CSMD1: variants seen among roughly 807,000 people sequenced by gnomAD.
CSMD1 encodes CUB and sushi domain-containing protein 1.
Under a neutral mutation model 417.5 loss-of-function variants are expected in CSMD1, and 213 were observed. The observed-to-expected ratio is 0.51, with a 90% CI of 0.46 to 0.57. The LOEUF (loss-of-function observed/expected upper bound fraction) is 0.57. CSMD1 is among the 20% of genes least tolerant of loss of function. The pLI is 0.00. For synonymous variants in CSMD1, 2,862 were observed against 1,736.8 expected, an observed-to-expected ratio of 1.65 and a Z score of -16.11; for missense variants, 6,923 against 4,529.7, an observed-to-expected ratio of 1.53 and a Z score of -15.17.
At chr8:3,423,702 C>A (rs1420340530) in intron 12 of CSMD1, among the ~76,000 whole-genome samples, 2 of 152,174 alleles carry the variant, frequency 1.3e-5, no homozygotes, top group East Asian at 3.9e-4. Flanking sequence ...AATGTTCCAT[C>A]CCAGGTCTTT....
chr8:4,772,406 T>A (rs190095939), intron 1 of CSMD1, among the ~76,000 whole-genome samples: 303 of 152,342 alleles, frequency 2.0e-3, no homozygotes, highest in African/African-American at 7.1e-3. Context: ...GGGTCCACCC[T>A]GATAATCCAG....
At chr8:4,064,069 T>G (rs1009600123) in intron 3 of CSMD1, among the ~76,000 whole-genome samples, 3 of 152,186 alleles carry the variant, frequency 2.0e-5, no homozygotes, top group African/African-American at 7.2e-5. Flanking sequence ...AAGTGCGCAG[T>G]GTGAAGCCCA....
intron 44 of CSMD1, 116 bp from the exon 45 acceptor site, chr8:3,107,914 T>A: frequency 1.5e-6 from 1 of 651,154 alleles, no homozygotes; most frequent in Non-Finnish European, 2.7e-6. Context: ...CGGACTGAAA[T>A]GTCTCTATTC....
At chr8:3,384,698 A>C (rs928724289) in intron 18 of CSMD1, among the ~76,000 whole-genome samples, 1 of 109,150 alleles carries the variant, frequency 9.2e-6, no homozygotes, top group African/African-American at 3.7e-5. Flanking sequence ...TATTTATATA[A>C]ATTATATATA....
intron 5 of CSMD1, among the ~76,000 whole-genome samples, chr8:3,776,232 G>C (rs1267134560): frequency 6.6e-6 from 1 of 152,130 alleles, no homozygotes; most frequent in African/African-American, 2.4e-5. Context: ...CATCCGGATG[G>C]AGGTCACAGC....
At chr8:4,908,128 G>A (rs976215469) in intron 1 of CSMD1, among the ~76,000 whole-genome samples, 1 of 152,158 alleles carries the variant, frequency 6.6e-6, no homozygotes, top group African/African-American at 2.4e-5. Context: ...AATTTTGCTG[G>A]GTACAGAATT....
At chr8:3,223,610 C>T in intron 28 of CSMD1, 119 bp downstream of exon 28, 2 of 1,042,700 alleles carry the variant, frequency 1.9e-6, no homozygotes, top group Middle Eastern at 4.4e-4. Context: ...CTCCATTAGA[C>T]ACAAAATCTA....
At chr8:3,975,745 G>C (rs576350209) in intron 5 of CSMD1, among the ~76,000 whole-genome samples, 1 of 152,230 alleles carries the variant, frequency 6.6e-6, no homozygotes, top group South Asian at 2.1e-4. Flanking sequence ...AAATAAAACA[G>C]AAAATGTCAT....
At chr8:3,255,262 G>T (rs1800566159) in intron 26 of CSMD1, among the ~76,000 whole-genome samples, 1 of 152,026 alleles carries the variant, frequency 6.6e-6, no homozygotes, top group Non-Finnish European at 1.5e-5. Context: ...AGCCGTGTGA[G>T]GTGTCAGTCT....
chr8:4,023,795 T>A (rs1207364753), intron 4 of CSMD1, among the ~76,000 whole-genome samples: 1 of 143,896 alleles, frequency 6.9e-6, no homozygotes. Flanking sequence ...GTGTGTGTAT[T>A]TTTAGTAGAG....
intron 37 of CSMD1, among the ~76,000 whole-genome samples, chr8:3,177,356 G>C (rs1563113533): frequency 1.3e-5 from 2 of 152,188 alleles, no homozygotes; most frequent in Admixed American, 6.5e-5. Flanking sequence ...CAGAGGCTCT[G>C]TGACGAGAAG....
chr8:3,022,396 G>A (rs1038716575), intron 51 of CSMD1, among the ~76,000 whole-genome samples: 1 of 152,104 alleles, frequency 6.6e-6, no homozygotes, highest in African/African-American at 2.4e-5. Flanking sequence ...CACAGCGTCC[G>A]GAATGCACGT....
chr8:4,229,504 T>C (rs897678883), intron 3 of CSMD1, among the ~76,000 whole-genome samples: 2 of 152,220 alleles, frequency 1.3e-5, no homozygotes, highest in African/African-American at 2.4e-5. Flanking sequence ...TTTGTCTTCA[T>C]ATAATTCTAC....
Position 4,732,217 on chromosome 8 carries a change from C to T in CSMD1, c.86-94659G>A, listed in dbSNP as rs12543345. Among the ~76,000 whole-genome samples, 1,142 of 152,258 alleles carry T rather than the reference C, an allele frequency of 7.5e-3. 8 individuals are homozygous for T. The highest frequency in any genetic ancestry group is 0.012 in the Non-Finnish European group (815 of 68,022). ...ACAAGAACTCAGATGTATCAGACCC[C>T]ATGGGTAGAACTCTTTCTACTCTAA... On this transcript the variant is annotated intron_variant, in intron 1 of 69. Transcript: ENST00000635120.
chr8:2,954,275 G>A lies in CSMD1; in HGVS notation c.9995-7C>T, dbSNP rs969608443. 7.0e-7 allele frequency: 1 copy of A among 1,427,304 alleles called. No individual in the cohort carries two copies. Among genetic ancestry groups the A allele is most frequent in the Non-Finnish European group, 9.5e-7 (1 of 1,052,898 alleles). 88.4% of individuals were successfully genotyped at this position (1,427,304 alleles called of 1,614,324 possible). On this transcript the variant is annotated splice_region_variant and splice_polypyrimidine_tract_variant and intron_variant, in intron 64 of 69. Transcript: ENST00000635120. ...ACTTCTCTCACTCCTTTACCTACAAGTAAAAAGACAAATTATCATTTTAAA... is the reference window on the plus strand; with the variant it reads ...ACTTCTCTCACTCCTTTACCTACAAATAAAAAGACAAATTATCATTTTAAA...
chr8:4,627,211 C>T (rs1802169269), intron 2 of CSMD1, among the ~76,000 whole-genome samples: 1 of 152,098 alleles, frequency 6.6e-6, no homozygotes, highest in Non-Finnish European at 1.5e-5. Flanking sequence ...AAGGATAAAT[C>T]AGCAACAGAC....
chr8:3,203,031 T>C (rs1308078996), intron 31 of CSMD1, among the ~76,000 whole-genome samples: 1 of 152,152 alleles, frequency 6.6e-6, no homozygotes, highest in Non-Finnish European at 1.5e-5. Context: ...ATTTTTATCA[T>C]ACTGGAGGCC....
chr8:3,960,840 A>C (rs1448679742), intron 5 of CSMD1, among the ~76,000 whole-genome samples: 1 of 152,022 alleles, frequency 6.6e-6, no homozygotes, highest in Non-Finnish European at 1.5e-5. Context: ...TTGCAATCGT[A>C]ACATTGTCAT....
chr8:3,616,450 C>T (rs1007897052), intron 8 of CSMD1, among the ~76,000 whole-genome samples: 3 of 152,158 alleles, frequency 2.0e-5, no homozygotes, highest in East Asian at 3.9e-4. Flanking sequence ...GTCAATTAAA[C>T]GTCTTTCCTT....
Sources: gnomAD v4.1 joint callset for allele counts (sites outside exome capture counted in the v4.1 genomes callset) on GRCh38, gnomAD v4.1.1 for gene constraint, MANE v1.5 for transcripts, NCBI Gene and HGNC (gene_info 2026-07-23, HGNC 2026-07-21) for gene names.